SPDYE5: variants seen among roughly 807,000 people sequenced by gnomAD.
The protein encoded by SPDYE5 is speedy/RINGO cell cycle regulator family member E5.
SPDYE5 carries 15 observed loss-of-function variants against 48.5 expected under a neutral mutation model. The ratio of observed to expected loss-of-function variants is 0.31; its 90% CI spans 0.21 to 0.48. SPDYE5 has a LOEUF of 0.48. Ranked by LOEUF, SPDYE5 falls within the 20% of genes least tolerant of loss-of-function variation. SPDYE5 has a pLI of 0.99. For synonymous variants in SPDYE5, 116 were observed against 200.7 expected, an observed-to-expected ratio of 0.58 and a Z score of 3.57; for missense variants, 331 against 549.1, an observed-to-expected ratio of 0.60 and a Z score of 3.97.
chr7:75,495,761 C>T (rs1443423827), intron 3 of SPDYE5, among the ~76,000 whole-genome samples: 29 of 151,954 alleles, frequency 1.9e-4, no homozygotes, highest in African/African-American at 5.3e-4. Flanking sequence ...AAACGAAGGC[C>T]GGGTGTGGTA....
chr7:75,495,454 T>C, intron 3 of SPDYE5, 80 bp downstream of exon 3: 2 of 1,571,868 alleles, frequency 1.3e-6, no homozygotes, highest in East Asian at 4.6e-5. Context: ...ACTTTTCCAA[T>C]GGGAAAGATA....
At position 75,492,449 on chromosome 7, in the gene SPDYE5, A is replaced by AT. The variant is rs1223188547; in HGVS notation, c.-422+16dup. Among the ~76,000 whole-genome samples the AT allele has an allele frequency of 6.6e-5, 10 of 151,794 alleles. No individual in the cohort carries two copies. The highest frequency in any genetic ancestry group is 5.9e-4 in the Admixed American group (9 of 15,214). ...GTGGGAACTCACTCGCAGGTTCTTT[A>AT]TTTTTTTTGAGATGGAGTTTTGCTC... is the stretch of plus-strand genomic sequence containing the variant. On this transcript the variant is annotated intron_variant, in intron 1 of 8. Coordinates refer to ENST00000625065, the MANE Select transcript of SPDYE5 (RefSeq NM_001306141.4).
chr7:75,492,006 C>T (rs1231440232), upstream of SPDYE5, among the ~76,000 whole-genome samples: 6 of 151,880 alleles, frequency 4.0e-5, no homozygotes, highest in Non-Finnish European at 7.4e-5. Context: ...TGAGCCACCG[C>T]GCCTGGTTTG....
intron 3 of SPDYE5, among the ~76,000 whole-genome samples, chr7:75,496,464 A>G (rs1169386478): frequency 1.4e-5 from 2 of 140,100 alleles, no homozygotes; most frequent in African/African-American, 5.5e-5. Flanking sequence ...GATATGAGGA[A>G]GTGTTCTGAG....
chr7:75,501,720 G>T lies in SPDYE5; in HGVS notation c.1114G>T (p.Gly372Cys). The change falls in exon 7 of 9, where the codon GGC (glycine) becomes TGC (cysteine). Residue 372 changes from glycine to cysteine, a missense_variant. Around this residue, in one of 8 missense-constraint regions of SPDYE5, gnomAD observed 101 missense variants for 104.0 expected, o/e 0.97. Transcript: ENST00000625065. ...RRFQFFCSMS[G>C]RAWVSPEELE... is the part of the protein sequence containing the mutation. Reference sequence around the variant, plus strand: ...GTTCCAGTTCTTCTGTTCCATGAGCGGCAGGGCTTGGGTTTCCCCGGAGGA... The same window carrying T: ...GTTCCAGTTCTTCTGTTCCATGAGCTGCAGGGCTTGGGTTTCCCCGGAGGA... 4 of 1,613,230 alleles carry T rather than the reference G, an allele frequency of 2.5e-6. No individual in the cohort carries two copies. Among genetic ancestry groups the T allele is most frequent in the East Asian group, 4.5e-5 (2 of 44,858 alleles).
chr7:75,500,574 C>T (rs1554483252), intron 6 of SPDYE5, among the ~76,000 whole-genome samples: 1 of 151,332 alleles, frequency 6.6e-6, no homozygotes, highest in Non-Finnish European at 1.5e-5. Context: ...TCCCCTGTCC[C>T]CCAAGCTGGA....
chr7:75,495,793 A>G (rs1178635821), intron 3 of SPDYE5, among the ~76,000 whole-genome samples: 5 of 152,136 alleles, frequency 3.3e-5, no homozygotes, highest in African/African-American at 1.2e-4. Flanking sequence ...TAATCCCATT[A>G]CTTTGGGAGG....
intron 6 of SPDYE5, among the ~76,000 whole-genome samples, chr7:75,500,942 A>T (rs1793125355): frequency 6.6e-6 from 1 of 152,198 alleles, no homozygotes. Context: ...TCCTGGTCTC[A>T]AGCGATCCAC....
Position 75,494,457 on chromosome 7 carries a change from G to A in SPDYE5, c.160+250G>A, listed in dbSNP as rs1329558628. On this transcript the variant is annotated intron_variant, in intron 2 of 8. Coordinates refer to ENST00000625065, the MANE Select transcript of SPDYE5 (RefSeq NM_001306141.4). ...AGCTACTCAGGAGGCTGAGACAGGC[G>A]AATCACTTGAGACTGGGAGGAAGAG... Among the ~76,000 whole-genome samples the A allele has an allele frequency of 2.0e-5, 3 of 150,174 alleles. 1 individual carries two copies. The highest frequency in any genetic ancestry group is 3.9e-4 in the East Asian group (2 of 5,104).
Position 75,501,873 on chromosome 7 carries a change from T to A in SPDYE5, c.1150-5T>A, listed in dbSNP as rs782251467. The A allele has an allele frequency of 2.5e-6, 4 of 1,611,416 alleles. No individual in the cohort carries two copies. The South Asian group carries it at 4.4e-5, about 18-fold the overall frequency. On this transcript the variant is annotated splice_polypyrimidine_tract_variant and splice_region_variant and intron_variant, in intron 7 of 8. Transcript: ENST00000625065. ...CGTCTTCTCAAAGGGCGTTTGTTTT[T>A]CCAGATCCAGGCTTATGACCCAGAG... is the stretch of plus-strand genomic sequence containing the variant.
rs201366970 is a variant in SPDYE5 at position 75,502,992 on chromosome 7, A to G, written c.*205A>G. The G allele has an allele frequency of 5.1e-4, 222 of 437,410 alleles. No homozygotes were observed. The highest frequency in any genetic ancestry group is 7.8e-4 in the Middle Eastern group (1 of 1,280). 27.1% of individuals were successfully genotyped at this position (437,410 alleles called of 1,614,324 possible). A position where few individuals can be genotyped will look rare whatever the true frequency, so the allele number is the denominator to read the frequency against. On this transcript the variant is annotated 3_prime_UTR_variant, in exon 9 of 9. Coordinates refer to ENST00000625065, the MANE Select transcript of SPDYE5 (RefSeq NM_001306141.4). ...AATACAGTGATCACGTTGTCCTCCT[A>G]GGAGCAGGGGTGGGGGGAGGGGGGT... is the stretch of plus-strand genomic sequence containing the variant.
chr7:75,495,519 A>C, intron 3 of SPDYE5, 145 bp downstream of exon 3: 1 of 1,516,918 alleles, frequency 6.6e-7, no homozygotes, highest in Non-Finnish European at 8.8e-7. Context: ...ATCACTCATG[A>C]GGGACACTTA....
intron 2 of SPDYE5, among the ~76,000 whole-genome samples, chr7:75,494,658 AG>A (rs1300201215): frequency 6.6e-6 from 1 of 151,552 alleles, no homozygotes; most frequent in Non-Finnish European, 1.5e-5. Flanking sequence ...AGGCCAAGGC[AG>A]GCGGATCACT....
chr7:75,496,495 GGGA>G (rs1231932955), intron 3 of SPDYE5, among the ~76,000 whole-genome samples, 176 bp from the exon 4 acceptor site: 3 of 144,750 alleles, frequency 2.1e-5, no homozygotes, highest in African/African-American at 8.1e-5. Context: ...CGGGAGAATG[GGGA>G]GGAGAAGGAG....
At chr7:75,496,015 CAAAAAAA>C (rs58917345) in intron 3 of SPDYE5, among the ~76,000 whole-genome samples, 1 of 65,808 alleles carries the variant, frequency 1.5e-5, no homozygotes. Flanking sequence ...GACGCTGTGT[CAAAAAAA>C]AAAAAAAAAA....
In SPDYE5 at chr7:75,493,870, C is replaced by T; in HGVS notation, c.-178C>T. 6.9e-7 allele frequency: 1 copy of T among 1,443,228 alleles called. No individual in the cohort carries two copies. Among genetic ancestry groups the T allele is most frequent in the South Asian group, 1.5e-5 (1 of 68,308 alleles). The allele number at this position is 1,443,228 out of a possible 1,614,324, so 89.4% of individuals were successfully genotyped here. A position where few individuals can be genotyped will look rare whatever the true frequency, so the allele number is the denominator to read the frequency against. Reference sequence around the variant, plus strand: ...TTTTTCAAACTGGTTGCCAGGTTGGCATGAGCGATGACATCAGAGATTCCG... The same window carrying T: ...TTTTTCAAACTGGTTGCCAGGTTGGTATGAGCGATGACATCAGAGATTCCG... On this transcript the variant is annotated 5_prime_UTR_variant, in exon 2 of 9. Transcript: ENST00000625065.
At chr7:75,500,965 T>C (rs1394228766) in intron 6 of SPDYE5, among the ~76,000 whole-genome samples, 1 of 152,200 alleles carries the variant, frequency 6.6e-6, no homozygotes, top group Non-Finnish European at 1.5e-5. Flanking sequence ...GCTTCATTCT[T>C]CTAAAGTGCT....
chr7:75,494,456 C>A (rs10441325), intron 2 of SPDYE5, among the ~76,000 whole-genome samples: 4,218 of 145,538 alleles, frequency 0.029, 109 homozygotes, highest in African/African-American at 0.072. Context: ...CTGAGACAGG[C>A]GAATCACTTG....
At position 75,493,746 on chromosome 7, in the gene SPDYE5, A is replaced by G. The variant is rs1371808000; in HGVS notation, c.-302A>G. The G allele has an allele frequency of 7.1e-7, 1 of 1,413,940 alleles. No homozygotes were observed. Among genetic ancestry groups the G allele is most frequent in the African/African-American group, 1.5e-5 (1 of 68,760 alleles). 87.6% of individuals were successfully genotyped at this position (1,413,940 alleles called of 1,614,324 possible). ...ACAGAGGGATGTGGAGTCCCTGAAGATGCTTTTGGACAATGGTCTGAGGTT... is the reference window on the plus strand; with the variant it reads ...ACAGAGGGATGTGGAGTCCCTGAAGGTGCTTTTGGACAATGGTCTGAGGTT... On this transcript the variant is annotated 5_prime_UTR_variant, in exon 2 of 9. It removes an upstream start codon present in the reference 5' UTR. Transcript: ENST00000625065.
Sources: gnomAD v4.1 joint callset for allele counts (sites outside exome capture counted in the v4.1 genomes callset) on GRCh38, gnomAD v4.1.1 for gene constraint, gnomAD v4.1.1 regional missense constraint, MANE v1.5 for transcripts, NCBI Gene and HGNC (gene_info 2026-07-23, HGNC 2026-07-21) for gene names.